ECH1: variants seen among roughly 807,000 people sequenced by gnomAD.
ECH1 encodes delta(3,5)-Delta(2,4)-dienoyl-CoA isomerase, mitochondrial.
A neutral mutation model predicts 37.0 loss-of-function variants in ECH1; 30 were observed. That is an observed-to-expected ratio of 0.81 (90% CI 0.61 to 1.10). The LOEUF is 1.10. ECH1 is among the 50% of genes least tolerant of loss of function. The pLI, the probability that ECH1 is intolerant of heterozygous loss-of-function variation, is 0.00. For synonymous variants in ECH1, 178 were observed against 176.0 expected (o/e 1.01, Z -0.09); for missense variants, 456 against 441.6 (o/e 1.03, Z -0.29).
At chr19:38,818,595 C>T (rs1600013837) in intron 3 of ECH1, among the ~76,000 whole-genome samples, 1 of 152,122 alleles carries the variant, frequency 6.6e-6, no homozygotes, top group Non-Finnish European at 1.5e-5. Context: ...TCAAGTGATT[C>T]TCCTACCTCA....
intron 3 of ECH1, 39 bp from the exon 4 acceptor site, chr19:38,817,614 G>T: frequency 6.4e-7 from 1 of 1,555,056 alleles, no homozygotes; most frequent in South Asian, 1.2e-5. Context: ...CAGGCTCCCA[G>T]GCCCCACCCA....
At position 38,831,076 on chromosome 19, in the gene ECH1, A is replaced by T; in HGVS notation, c.349+2T>A. ...GCAGGGTGTGTGAAGAGCGTCTGGT[A>T]CCTGCAGTGAACATTTTTCCTGCAC... is the stretch of plus-strand genomic sequence containing the variant. On this transcript the variant is annotated splice_donor_variant, in intron 3 of 9. Transcript: ENST00000221418. LOFTEE classifies it high-confidence loss of function. The T allele has an allele frequency of 6.2e-7, 1 of 1,612,862 alleles. No individual in the cohort carries two copies. Among genetic ancestry groups the T allele is most frequent in the Non-Finnish European group, 8.5e-7 (1 of 1,178,930 alleles).
intron 3 of ECH1, among the ~76,000 whole-genome samples, chr19:38,824,280 T>C (rs1268882310): frequency 6.6e-6 from 1 of 152,200 alleles, no homozygotes; most frequent in Non-Finnish European, 1.5e-5. Flanking sequence ...AAATCCGACC[T>C]TCCTTGGTCC....
At chr19:38,821,564 G>C (rs920518182) in intron 3 of ECH1, among the ~76,000 whole-genome samples, 1 of 152,164 alleles carries the variant, frequency 6.6e-6, no homozygotes, top group African/African-American at 2.4e-5. Flanking sequence ...CCGGGTGGGT[G>C]TGAGCTCGGC....
intron 3 of ECH1, among the ~76,000 whole-genome samples, chr19:38,821,114 C>T (rs1181946224): frequency 1.3e-5 from 2 of 151,694 alleles, no homozygotes. Flanking sequence ...CCTGCCTCTA[C>T]AAAAAGTGAA....
intron 3 of ECH1, among the ~76,000 whole-genome samples, chr19:38,826,452 G>A (rs1971739637): frequency 6.6e-6 from 1 of 152,216 alleles, no homozygotes; most frequent in Non-Finnish European, 1.5e-5. Context: ...GCTTAGTAAG[G>A]AAATGCAGCA....
chr19:38,818,185 A>G, intron 3 of ECH1: 1 of 976,806 alleles, frequency 1.0e-6, no homozygotes. Flanking sequence ...ATCTGGAACC[A>G]TGCAGCTGGC....
chr19:38,818,028 C>A (rs1292551289), intron 3 of ECH1, among the ~76,000 whole-genome samples: 1 of 152,148 alleles, frequency 6.6e-6, no homozygotes, highest in Non-Finnish European at 1.5e-5. Flanking sequence ...TTCAAGCAAT[C>A]CTCCCACCTC....
intron 3 of ECH1, among the ~76,000 whole-genome samples, chr19:38,821,273 A>G (rs1971657543): frequency 6.6e-6 from 1 of 152,158 alleles, no homozygotes; most frequent in South Asian, 2.1e-4. Context: ...GCTCCACTGC[A>G]TTCCAGCCTG....
chr19:38,818,478 CTTTT>C, intron 3 of ECH1: 3 of 690,620 alleles, frequency 4.3e-6, no homozygotes, highest in Non-Finnish European at 5.3e-6. Context: ...GTCAGATCCT[CTTTT>C]TTTTTATTTT....
intron 3 of ECH1, chr19:38,819,118 T>G (rs1317246035): frequency 9.1e-6 from 9 of 984,512 alleles, no homozygotes; most frequent in East Asian, 1.1e-4. Flanking sequence ...AAATAAAAAA[T>G]AAAAAGAAAA....
rs566441438 is a variant in ECH1 at position 38,830,665 on chromosome 19, A to G, written c.349+413T>C. 2.0e-5 allele frequency among the ~76,000 whole-genome samples: 3 copies of G among 151,974 alleles called. No individual in the cohort carries two copies. In the South Asian group the frequency reaches 6.2e-4, roughly 32 times the overall value. ...ATATTGTCTCCAAAAAAAAAAAAAA[A>G]AACACACAGATAAAAGTGTGAGTTA... is the stretch of plus-strand genomic sequence containing the variant. On this transcript the variant is annotated intron_variant, in intron 3 of 9. Coordinates refer to ENST00000221418, the MANE Select transcript of ECH1 (RefSeq NM_001398.3).
intron 1 of ECH1, 43 bp from the exon 2 acceptor site, chr19:38,831,559 A>C: frequency 2.5e-6 from 4 of 1,581,966 alleles, no homozygotes; most frequent in Admixed American, 1.8e-5. Context: ...AGACTGCAAG[A>C]CACAGGCCTA....
chr19:38,826,519 G>A (rs1018863601), intron 3 of ECH1, among the ~76,000 whole-genome samples: 1 of 152,240 alleles, frequency 6.6e-6, no homozygotes, highest in Non-Finnish European at 1.5e-5. Flanking sequence ...GTGGAGACTA[G>A]TGCAAGATCT....
intron 6 of ECH1, 98 bp downstream of exon 6, chr19:38,816,966 CA>C: frequency 2.9e-6 from 4 of 1,357,256 alleles, no homozygotes; most frequent in Non-Finnish European, 4.1e-6. Context: ...TTGTCGGGTT[CA>C]ACTCCGACTC....
At chr19:38,830,461 T>C (rs1235902994) in intron 3 of ECH1, among the ~76,000 whole-genome samples, 4 of 152,116 alleles carry the variant, frequency 2.6e-5, no homozygotes, top group Non-Finnish European at 4.4e-5. Context: ...AATACTTATA[T>C]TTGAATGTTT....
chr19:38,819,573 C>T (rs550409646), intron 3 of ECH1, among the ~76,000 whole-genome samples: 5 of 152,166 alleles, frequency 3.3e-5, no homozygotes, highest in Admixed American at 6.5e-5. Context: ...CAGGGCCTGG[C>T]GCACACGAGC....
Position 38,815,709 on chromosome 19 carries a change from C to G in ECH1, c.891G>C (p.Trp297Cys). ...VAESLNYVAS[W>C]NMSMLQTQDL... is the part of the protein sequence containing the mutation. ...CTTGGGTCTGCAGCATGCTCATGTT[C>G]CAGGACGCCTGGTACCGAGGGTGTT... The change falls in exon 10 of 10, where the codon TGG becomes TGC. Residue 297 changes from tryptophan to cysteine, a missense_variant. Trp to Cys is a radical substitution (Grantham distance 215). Coordinates refer to ENST00000221418, the MANE Select transcript of ECH1 (RefSeq NM_001398.3). 4 of 1,614,158 alleles carry G rather than the reference C, an allele frequency of 2.5e-6. No individual in the cohort carries two copies. Among genetic ancestry groups the G allele is most frequent in the Admixed American group, 3.3e-5 (2 of 60,004 alleles).
In ECH1 at chr19:38,815,835, T is replaced by C. The variant is rs192745108; in HGVS notation, c.882+22A>G. The C allele has an allele frequency of 4.5e-4, 721 of 1,613,854 alleles. 2 individuals carry two copies. Among genetic ancestry groups the C allele is most frequent in the Admixed American group, 6.2e-4 (37 of 60,008 alleles). On this transcript the variant is annotated intron_variant, in intron 9 of 9. Transcript: ENST00000221418. ...GCCTGGGGTTAGAGGAGGGCTGTGA[T>C]TGGTCGGAGCGTGCACCTTACCACG...
Sources: gnomAD v4.1 joint callset for allele counts (sites outside exome capture counted in the v4.1 genomes callset) on GRCh38, gnomAD v4.1.1 for gene constraint, MANE v1.5 for transcripts, NCBI Gene and HGNC (gene_info 2026-07-23, HGNC 2026-07-21) for gene names.